The following XDH variants were observed in gnomAD, a reference collection of about 807,000 sequenced individuals.
The protein encoded by XDH is xanthine dehydrogenase.
Under a neutral mutation model 156.1 loss-of-function variants are expected in XDH, and 138 were observed. The ratio of observed to expected loss-of-function variants is 0.88; its 90% CI spans 0.77 to 1.02. The LOEUF (loss-of-function observed/expected upper bound fraction) is 1.02, where lower values mean the gene tolerates loss of function less well. Among genes scored for constraint, XDH ranks in the 50% least tolerant of loss-of-function variants. XDH has a pLI of 0.00. For missense variants in XDH, 1,849 were observed against 1,684.9 expected (o/e 1.10, Z -1.71); for synonymous variants, 669 against 625.7 (o/e 1.07, Z -1.03).
intron 14 of XDH, 56 bp from the exon 15 acceptor site, chr2:31,375,610 G>A (rs1686225247): frequency 6.3e-7 from 1 of 1,576,454 alleles, no homozygotes; most frequent in Non-Finnish European, 8.6e-7. Flanking sequence ...AGACCCCTTT[G>A]TGTAGAGCTG....
At position 31,334,331 on chromosome 2, in the gene XDH, G is replaced by C. The variant is rs1320407109; in HGVS notation, c.*1627C>G. 2 of 152,070 alleles carry C rather than the reference G, an allele frequency of 1.3e-5. No homozygotes were observed. The highest frequency in any genetic ancestry group is 2.9e-5 in the Non-Finnish European group (2 of 68,022). The allele number at this position is 152,070 out of a possible 1,614,324, so 9.4% of individuals were successfully genotyped here. A position where few individuals can be genotyped will look rare whatever the true frequency, so the allele number is the denominator to read the frequency against. ...TTTTTCACACGCCAACCAGCTGACA[G>C]TTTCATTTATTAGTGACATCAAGCA... On this transcript the variant is annotated 3_prime_UTR_variant, in exon 36 of 36. Transcript: ENST00000379416.
intron 23 of XDH, among the ~76,000 whole-genome samples, chr2:31,364,941 A>G (rs796902279): frequency 3.9e-5 from 6 of 152,328 alleles, no homozygotes; most frequent in African/African-American, 1.4e-4. Flanking sequence ...TGTACAGGGA[A>G]AGGGTGCATT....
rs1236985179 is a variant in XDH, at chr2:31,373,888, A to T, written c.1671T>A (p.Asp557Glu). ...CCGTACTCACTTGGAAGAGCTGGAC[A>T]TCGGCTGGGGGGTCTTTCTGAAACA... The part of the protein sequence containing the change: ...TLLFQKDPPA[D>E]VQLFQEVPKG... The change falls in exon 16 of 36, where the codon GAT becomes GAA. Residue 557 changes from aspartate (D) to glutamate (E), a missense_variant. Asp to Glu is a conservative substitution (Grantham distance 45). Coordinates refer to ENST00000379416, the MANE Select transcript of XDH (RefSeq NM_000379.4). 1 of 1,613,926 alleles carries T rather than the reference A, an allele frequency of 6.2e-7. No homozygotes were observed. Among genetic ancestry groups the T allele is most frequent in the South Asian group, 1.1e-5 (1 of 91,046 alleles).
At chr2:31,336,953 C>A (rs1372904772) in intron 35 of XDH, among the ~76,000 whole-genome samples, 1 of 150,226 alleles carries the variant, frequency 6.7e-6, no homozygotes, top group Non-Finnish European at 1.5e-5. Context: ...GTTCTGAGAT[C>A]CCCAAAGCGG....
chr2:31,380,538 T>C (rs1485975945), intron 12 of XDH, among the ~76,000 whole-genome samples: 1 of 152,246 alleles, frequency 6.6e-6, no homozygotes, highest in East Asian at 1.9e-4. Flanking sequence ...AGAAAACCTC[T>C]GTCGCTGAGC....
Position 31,347,626 on chromosome 2 carries a change from G to C in XDH, c.3172C>G (p.Pro1058Ala), listed in dbSNP as rs375025289. The part of the protein sequence containing the change: ...VQVASRALKI[P>A]TSKIYISETS... ...TCGCTGATATAAATCTTAGAGGTGG[G>C]GATTTTCAGAGCTCTACTGGCCACC... The change falls in exon 29 of 36, where the codon CCC (proline) becomes GCC (alanine). Residue 1058 changes from proline (P) to alanine (A), a missense_variant. Physicochemically the swap from Pro to Ala is conservative, Grantham distance 27. Transcript: ENST00000379416. 3.1e-6 allele frequency: 5 copies of C among 1,613,962 alleles called. No homozygotes were observed. In the South Asian group the frequency reaches 5.5e-5, roughly 18 times the overall value.
rs7599175 is a variant in XDH, at chr2:31,346,605, A to G, written c.3351+164T>C. Among the ~76,000 whole-genome samples, 118,096 of 152,070 alleles carry G rather than the reference A, an allele frequency of 0.78. 45,909 individuals carry two copies. Among genetic ancestry groups the G allele is most frequent in the East Asian group, 0.84 (4,355 of 5,154 alleles). ...GCTATAGAGAAAGGGACCCAGCCAG[A>G]ATGAGCATTTATTCATCCTGTAAAA... On this transcript the variant is annotated intron_variant, in intron 30 of 35. Coordinates refer to ENST00000379416, the MANE Select transcript of XDH (RefSeq NM_000379.4).
intron 17 of XDH, among the ~76,000 whole-genome samples, chr2:31,371,590 G>C (rs1686072729): frequency 6.6e-6 from 1 of 152,158 alleles, no homozygotes; most frequent in African/African-American, 2.4e-5. Flanking sequence ...TGTGGGTTAT[G>C]GTATTGTCAA....
At position 31,375,023 on chromosome 2, in the gene XDH, C is replaced by CTTTTTTT. The variant is rs60340656; in HGVS notation, c.1602+350_1602+356dup. 1.9e-4 allele frequency among the ~76,000 whole-genome samples: 18 copies of CTTTTTTT among 92,348 alleles called. 1 individual carries two copies. The highest frequency in any genetic ancestry group is 4.0e-4 in the African/African-American group (8 of 19,934). 60.6% of individuals were successfully genotyped at this position (92,348 alleles called of 152,430 possible). A position where few individuals can be genotyped will look rare whatever the true frequency, so the allele number is the denominator to read the frequency against. ...TCTTTCTTTCTTTCTTTCTTTCTTT[C>CTTTTTTT]TTTTTTTTTTTTTTTTTTTGAGACA... is the stretch of plus-strand genomic sequence containing the variant. On this transcript the variant is annotated intron_variant, in intron 15 of 35. Transcript: ENST00000379416.
At position 31,383,108 on chromosome 2, in the gene XDH, T is replaced by TG. The variant is rs752434530; in HGVS notation, c.930_931insC (p.Thr311HisfsTer8). On this transcript the variant is annotated frameshift_variant, in exon 11 of 36. Transcript: ENST00000379416. LOFTEE classifies it high-confidence loss of function. ...AGCTTAGCAACAGCATCCACCAGGGTTTTTTCCACAATGCTCAGGGGGCAA... is the reference window on the plus strand; with the variant it reads ...AGCTTAGCAACAGCATCCACCAGGGTGTTTTTCCACAATGCTCAGGGGGCAA... 95 of 1,613,948 alleles carry TG rather than the reference T, an allele frequency of 5.9e-5. 1 individual carries two copies. Among genetic ancestry groups the TG allele is most frequent in the Non-Finnish European group, 7.9e-5 (93 of 1,180,016 alleles).
In XDH at chr2:31,335,443, T is replaced by C. The variant is rs1390267863; in HGVS notation, c.*515A>G. ...ATTCTTTCCAATGATTCAAAGATGG[T>C]TAGAGGATTTAACCTTACCCCACTG... On this transcript the variant is annotated 3_prime_UTR_variant, in exon 36 of 36. Transcript: ENST00000379416. The C allele has an allele frequency of 1.1e-5, 2 of 176,248 alleles. No individual in the cohort carries two copies. The highest frequency in any genetic ancestry group is 2.5e-5 in the Non-Finnish European group (2 of 81,366). The allele number at this position is 176,248 out of a possible 1,614,324, so 10.9% of individuals were successfully genotyped here.
At chr2:31,357,299 AC>A (rs1210978947) in intron 24 of XDH, among the ~76,000 whole-genome samples, 1 of 152,182 alleles carries the variant, frequency 6.6e-6, no homozygotes, top group Non-Finnish European at 1.5e-5. Context: ...AATCAATGAA[AC>A]AAAAACCCGG....
chr2:31,349,925 G>T, intron 25 of XDH, 94 bp from the exon 26 acceptor site: 1 of 1,611,370 alleles, frequency 6.2e-7, no homozygotes, highest in Non-Finnish European at 8.5e-7. Context: ...CCCCTCAGCA[G>T]CCCCTGCCTG....
At position 31,388,274 on chromosome 2, in the gene XDH, C is replaced by T; in HGVS notation, c.517G>A (p.Asp173Asn). Residue 173 changes from aspartate to asparagine, a missense_variant, in exon 7 of 36, where the codon GAT becomes AAT. Transcript: ENST00000379416. ...ATGCAGCAATTTGGATTATTCCCAT[C>T]TCCTCCACAGCATCCACCATCCTAG... Reference protein sequence around the residue: ...FARDGGCCGGDGNNPNCCMNQ... With the variant: ...FARDGGCCGGNGNNPNCCMNQ... 1 of 1,614,202 alleles carries T rather than the reference C, an allele frequency of 6.2e-7. No homozygotes were observed. The highest frequency in any genetic ancestry group is 8.5e-7 in the Non-Finnish European group (1 of 1,180,018).
intron 33 of XDH, among the ~76,000 whole-genome samples, chr2:31,340,427 T>C (rs1685095723): frequency 6.6e-6 from 1 of 152,200 alleles, no homozygotes; most frequent in African/African-American, 2.4e-5. Flanking sequence ...CTTGAATTCT[T>C]GATTCCTCCT....
intron 4 of XDH, among the ~76,000 whole-genome samples, chr2:31,399,531 T>C (rs889780172): frequency 7.2e-5 from 11 of 152,194 alleles, no homozygotes; most frequent in African/African-American, 1.9e-4. Flanking sequence ...ACCTGTACCA[T>C]TGGATAGGGA....
intron 6 of XDH, among the ~76,000 whole-genome samples, chr2:31,395,944 A>T (rs1686891359): frequency 1.3e-5 from 2 of 152,212 alleles, no homozygotes; most frequent in Non-Finnish European, 2.9e-5. Flanking sequence ...CCTTGTCACC[A>T]GATAGCTGTG....
At chr2:31,338,915 G>T (rs1273897672) in intron 34 of XDH, among the ~76,000 whole-genome samples, 2 of 151,488 alleles carry the variant, frequency 1.3e-5, no homozygotes, top group African/African-American at 2.4e-5. Flanking sequence ...AGTAGAGATG[G>T]GGTTTTGCCA....
intron 6 of XDH, among the ~76,000 whole-genome samples, chr2:31,391,743 T>C (rs1686769497): frequency 6.6e-6 from 1 of 152,244 alleles, no homozygotes; most frequent in Non-Finnish European, 1.5e-5. Flanking sequence ...ATTACATTTG[T>C]TGGAGAGTAT....
Sources: allele counts gnomAD v4.1 joint callset (sites outside exome capture counted in the v4.1 genomes callset), GRCh38; gene constraint gnomAD v4.1.1; transcripts MANE v1.5; gene names NCBI Gene and HGNC (gene_info 2026-07-23, HGNC 2026-07-21).